Variants in TENM3 observed in about 807,000 individuals in gnomAD.
TENM3 encodes teneurin transmembrane protein 3.
A neutral mutation model predicts 255.1 loss-of-function variants in TENM3; 63 were observed. That is an observed-to-expected ratio of 0.25 (90% CI 0.20 to 0.30). TENM3 has a LOEUF of 0.30. Among genes scored for constraint, TENM3 ranks in the 10% least tolerant of loss-of-function variants. TENM3 has a pLI of 1.00. For missense variants in TENM3, 2,929 were observed against 3,461.1 expected (o/e 0.85, Z 3.86); for synonymous variants, 1,306 against 1,322.3 (o/e 0.99, Z 0.27).
At chr4:182,403,872 C>T (rs946559174) in intron 3 of TENM3, among the ~76,000 whole-genome samples, 1 of 152,122 alleles carries the variant, frequency 6.6e-6, no homozygotes, top group Non-Finnish European at 1.5e-5. Context: ...GCGTGTGCCA[C>T]CACACCCAGC....
At chr4:181,538,775 G>A in the TENM3 span, among the ~76,000 whole-genome samples, 6,689 of 152,254 alleles carry the variant, frequency 0.044, 223 homozygotes, top group South Asian at 0.15. Flanking sequence ...CCTTTTCAGA[G>A]AGTAGAATTC....
intron 1 of TENM3, among the ~76,000 whole-genome samples, chr4:182,228,807 T>C (rs936917593): frequency 2.0e-5 from 3 of 152,194 alleles, no homozygotes; most frequent in Non-Finnish European, 4.4e-5. Flanking sequence ...TTTCTATCTT[T>C]GTTTTATTCT....
At chr4:182,742,076 G>A (rs1213744766) in intron 18 of TENM3, among the ~76,000 whole-genome samples, 1 of 152,212 alleles carries the variant, frequency 6.6e-6, no homozygotes. Flanking sequence ...TAAAGTCAAA[G>A]CAGCAGGTGG....
chr4:181,685,370 C>T, the TENM3 span, among the ~76,000 whole-genome samples: 1 of 152,130 alleles, frequency 6.6e-6, no homozygotes, highest in Non-Finnish European at 1.5e-5. Flanking sequence ...CACAATCTAC[C>T]ATCTCAACTT....
chr4:182,632,405 G>T (rs1010463749), intron 5 of TENM3, among the ~76,000 whole-genome samples: 1 of 152,112 alleles, frequency 6.6e-6, no homozygotes, highest in African/African-American at 2.4e-5. Context: ...AACCACCAAC[G>T]CTAGTCATTA....
chr4:182,196,607 G>T (rs1257125075), intron 1 of TENM3, among the ~76,000 whole-genome samples: 1 of 152,134 alleles, frequency 6.6e-6, no homozygotes, highest in African/African-American at 2.4e-5. Flanking sequence ...TTGAGCTTAA[G>T]CCCTCGGGTG....
intron 19 of TENM3, among the ~76,000 whole-genome samples, chr4:182,747,302 A>G (rs1174335363): frequency 6.6e-6 from 1 of 152,232 alleles, no homozygotes; most frequent in Non-Finnish European, 1.5e-5. Context: ...AAATTAGTAT[A>G]AAAACACATT....
Position 182,800,404 on chromosome 4 carries a change from G to A in TENM3, c.*53G>A. 3.3e-6 allele frequency: 5 copies of A among 1,499,672 alleles called. No homozygotes were observed. Among genetic ancestry groups the A allele is most frequent in the East Asian group, 2.5e-5 (1 of 39,762 alleles). 92.9% of individuals were successfully genotyped at this position (1,499,672 alleles called of 1,614,324 possible). On this transcript the variant is annotated 3_prime_UTR_variant, in exon 28 of 28. Coordinates refer to ENST00000511685, the MANE Select transcript of TENM3 (RefSeq NM_001080477.4). ...CACGCCCTGCCCACATTGTCCTGTG[G>A]CACAACCCGAGTGGGACTCTCCAAC...
the TENM3 span, among the ~76,000 whole-genome samples, chr4:181,966,843 A>T: frequency 4.1e-4 from 62 of 152,262 alleles, no homozygotes; most frequent in Non-Finnish European, 7.2e-4. Context: ...TTACTTGGTG[A>T]TGGGGGCTCT....
intron 1 of TENM3, among the ~76,000 whole-genome samples, chr4:182,236,549 A>C (rs918595982): frequency 1.3e-5 from 2 of 152,212 alleles, no homozygotes; most frequent in African/African-American, 4.8e-5. Context: ...TGGACCATAC[A>C]AACTTGTTTT....
At chr4:181,864,986 C>T in the TENM3 span, among the ~76,000 whole-genome samples, 1 of 152,160 alleles carries the variant, frequency 6.6e-6, no homozygotes, top group African/African-American at 2.4e-5. Flanking sequence ...CATATCAATC[C>T]ACCCTTACAA....
chr4:181,916,978 T>A, the TENM3 span, among the ~76,000 whole-genome samples: 1 of 152,192 alleles, frequency 6.6e-6, no homozygotes, highest in African/African-American at 2.4e-5. Context: ...TTTAACATGT[T>A]CCATTGGTTT....
chr4:182,521,586 G>A (rs182527286), intron 3 of TENM3, among the ~76,000 whole-genome samples: 207 of 151,824 alleles, frequency 1.4e-3, no homozygotes, highest in Admixed American at 2.6e-3. Context: ...TGGGGGGGTC[G>A]CTAAGATAAA....
the TENM3 span, chr4:181,522,690 G>A: frequency 3.0e-6 from 2 of 661,494 alleles, no homozygotes; most frequent in South Asian, 1.4e-5. Context: ...CATAGCTGAT[G>A]TGGCTCATTA....
intron 5 of TENM3, among the ~76,000 whole-genome samples, chr4:182,651,727 G>A (rs1753321730): frequency 6.6e-6 from 1 of 151,800 alleles, no homozygotes; most frequent in African/African-American, 2.4e-5. Flanking sequence ...GAGTTTAAGA[G>A]GAATTGCTGG....
At chr4:181,522,978 A>G in the TENM3 span, 103,300 of 666,240 alleles carry the variant, frequency 0.16, 8,762 homozygotes, top group East Asian at 0.26. Flanking sequence ...GGAGATGGGT[A>G]GGATGCATAG....
chr4:181,468,834 A>T, the TENM3 span, among the ~76,000 whole-genome samples: 1 of 152,222 alleles, frequency 6.6e-6, no homozygotes, highest in Non-Finnish European at 1.5e-5. Flanking sequence ...TTTCACATGG[A>T]ATCCTCAGCT....
At chr4:181,832,459 G>A in the TENM3 span, among the ~76,000 whole-genome samples, 15 of 152,130 alleles carry the variant, frequency 9.9e-5, no homozygotes, top group African/African-American at 2.9e-4. Context: ...GAAGGACGGG[G>A]TTTCAGTGTT....
the TENM3 span, among the ~76,000 whole-genome samples, chr4:181,972,535 A>G: frequency 6.6e-6 from 1 of 152,004 alleles, no homozygotes; most frequent in African/African-American, 2.4e-5. Flanking sequence ...TGTGTTCCCC[A>G]GAAAGATCCT....
Sources: allele counts gnomAD v4.1 joint callset (sites outside exome capture counted in the v4.1 genomes callset), GRCh38; gene constraint gnomAD v4.1.1; transcripts MANE v1.5; gene names NCBI Gene and HGNC (gene_info 2026-07-23, HGNC 2026-07-21).